COL8A1: variants seen among roughly 807,000 people sequenced by gnomAD.
The protein encoded by COL8A1 is collagen alpha-1(VIII) chain.
A neutral mutation model predicts 42.7 loss-of-function variants in COL8A1; 21 were observed. That is an observed-to-expected ratio of 0.49 (90% CI 0.35 to 0.71). COL8A1 has a LOEUF of 0.71. COL8A1 is among the 30% of genes least tolerant of loss of function. COL8A1 has a pLI of 0.01. For missense variants in COL8A1, 788 were observed against 962.4 expected (o/e 0.82, Z 2.40); for synonymous variants, 367 against 369.1 (o/e 0.99, Z 0.06).
At chr3:99,730,505 G>C (rs965123025) in intron 1 of COL8A1, among the ~76,000 whole-genome samples, 1 of 152,110 alleles carries the variant, frequency 6.6e-6, no homozygotes. Context: ...CAGAGTGAAT[G>C]ATAGAGAAAC....
chr3:99,792,838 A>G (rs930618525), intron 3 of COL8A1, among the ~76,000 whole-genome samples: 4 of 152,236 alleles, frequency 2.6e-5, no homozygotes, highest in African/African-American at 9.6e-5. Flanking sequence ...GGCTTAGGAA[A>G]TCCCACAGCA....
intron 1 of COL8A1, among the ~76,000 whole-genome samples, chr3:99,740,372 ATACCCAAGGC>A (rs1940864669): frequency 6.6e-6 from 1 of 152,202 alleles, no homozygotes; most frequent in Non-Finnish European, 1.5e-5. Context: ...CTAATAAGAC[ATACCCAAGGC>A]TGGGTAATAT....
intron 1 of COL8A1, among the ~76,000 whole-genome samples, chr3:99,726,797 T>TTGTTTTGGTACCAGTACCATGC (rs1940343700): frequency 1.3e-5 from 2 of 151,638 alleles, no homozygotes; most frequent in Non-Finnish European, 2.9e-5. Flanking sequence ...CAGTACCATG[T>TTGTTTTGGTACCAGTACCATGC]TGTTTTGGTT....
chr3:99,649,597 T>G (rs1176972369), intron 1 of COL8A1, among the ~76,000 whole-genome samples: 1 of 152,132 alleles, frequency 6.6e-6, no homozygotes, highest in Non-Finnish European at 1.5e-5. Context: ...TTAGAAAGAA[T>G]AAAAGTTCTG....
At chr3:99,735,940 G>A (rs990996849) in intron 1 of COL8A1, among the ~76,000 whole-genome samples, 1 of 152,052 alleles carries the variant, frequency 6.6e-6, no homozygotes, top group African/African-American at 2.4e-5. Context: ...TATTTGCATA[G>A]AGGTGTTTGT....
rs755896312 is a variant in COL8A1 at position 99,794,610 on chromosome 3, C to T, written c.709C>T (p.Arg237Trp). The T allele has an allele frequency of 5.0e-6, 8 of 1,613,338 alleles. No individual in the cohort carries two copies. Among genetic ancestry groups the T allele is most frequent in the Admixed American group, 1.7e-5 (1 of 59,926 alleles). Residue 237 changes from arginine to tryptophan, a missense_variant, in exon 4 of 4, where the codon CGG becomes TGG. By Grantham distance (101) the Arg-to-Trp change is moderately radical. Around this residue, in one of 4 missense-constraint regions of COL8A1, gnomAD observed 421 missense variants for 553.1 expected, o/e 0.76. Coordinates refer to ENST00000652472, the MANE Select transcript of COL8A1 (RefSeq NM_020351.4). The surrounding 1 kb of genome is among the most constrained non-coding windows in gnomAD (Gnocchi z 4.3). ...AGGACTACCAGGACCTCAAGGCCTT[C>T]GGGGTCCTAAAGGAGACAAGGGCTT... ...PKGLPGPQGL[R>W]GPKGDKGFGM... is the part of the protein sequence containing the mutation.
At chr3:99,772,955 C>A (rs1259329184) in intron 2 of COL8A1, among the ~76,000 whole-genome samples, 1 of 152,126 alleles carries the variant, frequency 6.6e-6, no homozygotes, top group Non-Finnish European at 1.5e-5. Flanking sequence ...GGAGACAGAC[C>A]AGCAGATTCA....
At chr3:99,771,709 C>A (rs528643239) in intron 2 of COL8A1, among the ~76,000 whole-genome samples, 2 of 152,250 alleles carry the variant, frequency 1.3e-5, no homozygotes, top group Non-Finnish European at 2.9e-5. Flanking sequence ...ATGAAAATCC[C>A]ATAATGCTAA....
chr3:99,775,529 C>T (rs1214351897), intron 2 of COL8A1, among the ~76,000 whole-genome samples: 1 of 152,166 alleles, frequency 6.6e-6, no homozygotes, highest in East Asian at 1.9e-4. Flanking sequence ...GGAGATTCCT[C>T]TTGAATACAT....
intron 1 of COL8A1, among the ~76,000 whole-genome samples, chr3:99,744,165 C>T (rs1317808320): frequency 1.3e-5 from 2 of 152,274 alleles, no homozygotes; most frequent in African/African-American, 4.8e-5. Context: ...CTCCTGACCT[C>T]GTGATCCACC....
chr3:99,654,356 G>A (rs751901050), intron 1 of COL8A1, among the ~76,000 whole-genome samples: 6 of 152,126 alleles, frequency 3.9e-5, no homozygotes, highest in Admixed American at 2.0e-4. Flanking sequence ...CAATCCAATC[G>A]AGTTGACACT....
chr3:99,773,815 G>GTATATATATATATATATATATATATATAA (rs1553682062), intron 2 of COL8A1, among the ~76,000 whole-genome samples: 1 of 35,914 alleles, frequency 2.8e-5, no homozygotes, highest in South Asian at 1.1e-3. Flanking sequence ...ATATATGTGT[G>GTATATATATATATATATATATATATATAA]TATATATATA....
Position 99,798,616 on chromosome 3 carries a change from A to G in COL8A1, c.*2480A>G, listed in dbSNP as rs1559640236. ...CACTCAATTGCCTATATATATATAT[A>G]TATGTGTGTGTGTGTGTGTGTGCGC... On this transcript the variant is annotated 3_prime_UTR_variant, in exon 4 of 4. Coordinates refer to ENST00000652472, the MANE Select transcript of COL8A1 (RefSeq NM_020351.4). 1.0e-5 allele frequency: 1 copy of G among 100,296 alleles called. No individual in the cohort carries two copies. Among genetic ancestry groups the G allele is most frequent in the Admixed American group, 9.6e-5 (1 of 10,392 alleles). The allele number at this position is 100,296 out of a possible 1,614,324, so 6.2% of individuals were successfully genotyped here. A position where few individuals can be genotyped will look rare whatever the true frequency, so the allele number is the denominator to read the frequency against.
intron 1 of COL8A1, among the ~76,000 whole-genome samples, chr3:99,661,788 C>T (rs897442877): frequency 7.9e-5 from 12 of 151,792 alleles, no homozygotes; most frequent in African/African-American, 1.2e-4. Flanking sequence ...ATTATTCAAC[C>T]GAAGAAAGGA....
intron 1 of COL8A1, among the ~76,000 whole-genome samples, chr3:99,650,440 T>C (rs1937807412): frequency 1.3e-5 from 2 of 152,068 alleles, no homozygotes; most frequent in African/African-American, 4.8e-5. Context: ...TTTTTATTTT[T>C]AATTTTTTTT....
Position 99,793,222 on chromosome 3 carries a change from C to T in COL8A1, c.329-1008C>T, listed in dbSNP as rs183943739. 5.6e-4 allele frequency among the ~76,000 whole-genome samples: 85 copies of T among 151,968 alleles called. 2 individuals carry two copies. The highest frequency in any genetic ancestry group is 3.4e-3 in the Middle Eastern group (1 of 294). On this transcript the variant is annotated intron_variant, in intron 3 of 3. Transcript: ENST00000652472. The stretch of plus-strand genomic sequence containing the variant: ...TTTGGATATCTATTGCATAGAATAG[C>T]GAGTATAGTTAATAATAATGTATTA...
intron 2 of COL8A1, among the ~76,000 whole-genome samples, chr3:99,773,809 A>G (rs1051695578): frequency 2.3e-4 from 14 of 61,654 alleles, no homozygotes; most frequent in Non-Finnish European, 3.5e-4. Context: ...GATTATATAT[A>G]TGTGTGTATA....
intron 1 of COL8A1, among the ~76,000 whole-genome samples, chr3:99,695,227 TA>T (rs1184320840): frequency 6.6e-6 from 1 of 152,110 alleles, no homozygotes; most frequent in Non-Finnish European, 1.5e-5. Context: ...GTAATCAAAA[TA>T]AAAATTACTC....
chr3:99,775,371 G>T (rs35535760), intron 2 of COL8A1, among the ~76,000 whole-genome samples: 3 of 152,092 alleles, frequency 2.0e-5, no homozygotes, highest in African/African-American at 7.2e-5. Context: ...TGGGAAGCAC[G>T]AGACCCTCTT....
Sources: allele counts gnomAD v4.1 joint callset (sites outside exome capture counted in the v4.1 genomes callset), GRCh38; gene constraint gnomAD v4.1.1; regional missense constraint gnomAD v4.1.1; non-coding constraint Gnocchi (gnomAD v3.1); transcripts MANE v1.5; gene names NCBI Gene and HGNC (gene_info 2026-07-23, HGNC 2026-07-21).